Variants in ABCC1 observed in about 807,000 individuals in gnomAD.
ABCC1 encodes the protein multidrug resistance-associated protein 1.
A neutral mutation model predicts 172.9 loss-of-function variants in ABCC1; 83 were observed. That is an observed-to-expected ratio of 0.48 (90% CI 0.40 to 0.58). The LOEUF (loss-of-function observed/expected upper bound fraction) is 0.58, where lower values mean the gene tolerates loss of function less well. Ranked by LOEUF, ABCC1 falls within the 20% of genes least tolerant of loss-of-function variation. The pLI, the probability that ABCC1 is intolerant of heterozygous loss-of-function variation, is 0.00. For synonymous variants in ABCC1, 937 were observed against 825.2 expected (o/e 1.14, Z -2.32); for missense variants, 1,817 against 2,002.7 (o/e 0.91, Z 1.77).
intron 19 of ABCC1, among the ~76,000 whole-genome samples, chr16:16,100,504 A>G (rs547396674): frequency 6.6e-6 from 1 of 152,316 alleles, no homozygotes; most frequent in East Asian, 1.9e-4. Flanking sequence ...GACAGGCTGC[A>G]TGGGAAGTCC....
intron 15 of ABCC1, among the ~76,000 whole-genome samples, chr16:16,077,142 C>G (rs773219615): frequency 3.9e-5 from 6 of 152,178 alleles, no homozygotes; most frequent in Non-Finnish European, 7.3e-5. Flanking sequence ...TGACCAGAGG[C>G]CTTGATCAAC....
intron 1 of ABCC1, among the ~76,000 whole-genome samples, chr16:15,982,345 G>T (rs990618557): frequency 1.5e-4 from 23 of 152,164 alleles, no homozygotes; most frequent in African/African-American, 5.1e-4. Flanking sequence ...CCACAGTTCT[G>T]CAGGGCTGGG....
rs138811942 is a variant in ABCC1 at position 16,105,000 on chromosome 16, G to C, written c.2736-1738G>C. The stretch of plus-strand genomic sequence containing the variant: ...CCCTGTGCAGCTCCGGTTCCCTCCC[G>C]TTCCTCTCCCTCCACACCTCCCCGC... On this transcript the variant is annotated intron_variant, in intron 20 of 30. Transcript: ENST00000399410. Among the ~76,000 whole-genome samples the C allele has an allele frequency of 8.7e-3, 1,327 of 152,022 alleles. 17 individuals carry two copies. The highest frequency in any genetic ancestry group is 0.029 in the African/African-American group (1,221 of 41,470).
In ABCC1 at chr16:15,958,890, T is replaced by C. The variant is rs947119338; in HGVS notation, c.48+9091T>C. Among the ~76,000 whole-genome samples the C allele has an allele frequency of 3.3e-5, 5 of 152,312 alleles. 1 individual carries two copies. The Middle Eastern group carries it at 0.014, about 414-fold the overall frequency. ...GGCCACATCATTCTTTGTGGCCTGG[T>C]TGCTGTTCTGTGCAGCGTAGTCTTA... On this transcript the variant is annotated intron_variant, in intron 1 of 30. Coordinates refer to ENST00000399410, the MANE Select transcript of ABCC1 (RefSeq NM_004996.4).
At chr16:16,106,902 TG>T (rs2052145705) in intron 21 of ABCC1, 29 bp downstream of exon 21, 1 of 1,613,198 alleles carries the variant, frequency 6.2e-7, no homozygotes. Flanking sequence ...GTGATGACAG[TG>T]GCTGGAGTTT....
chr16:16,058,504 G>A (rs939311815), intron 12 of ABCC1, among the ~76,000 whole-genome samples: 1 of 152,214 alleles, frequency 6.6e-6, no homozygotes, highest in African/African-American at 2.4e-5. Context: ...AGCTCCAGCT[G>A]TTTCAGCATT....
In ABCC1 at chr16:16,041,805, A is replaced by C. The variant is rs148005394; in HGVS notation, c.810-2645A>C. Among the ~76,000 whole-genome samples the C allele has an allele frequency of 1.8e-3, 275 of 152,172 alleles. 8 individuals are homozygous for C. In the East Asian group the frequency reaches 0.043, roughly 24 times the overall value. ...CACCCATGAGTGACTCCTTCTCAAA[A>C]GTCAGGTGTGGCTGGGCATGGTGGC... On this transcript the variant is annotated intron_variant, in intron 7 of 30. Coordinates refer to ENST00000399410, the MANE Select transcript of ABCC1 (RefSeq NM_004996.4).
chr16:16,092,066 T>G (rs1200816070), intron 19 of ABCC1, among the ~76,000 whole-genome samples: 1 of 152,162 alleles, frequency 6.6e-6, no homozygotes, highest in Non-Finnish European at 1.5e-5. Flanking sequence ...GATGAAACCC[T>G]GTCTCTACTA....
At chr16:16,029,383 C>T (rs1348647762) in intron 5 of ABCC1, among the ~76,000 whole-genome samples, 4 of 151,966 alleles carry the variant, frequency 2.6e-5, no homozygotes, top group Non-Finnish European at 1.5e-5. Context: ...CCACCATGTC[C>T]GGCCAATTTT....
chr16:15,990,129 A>G (rs1490131605), intron 1 of ABCC1, among the ~76,000 whole-genome samples: 1 of 152,010 alleles, frequency 6.6e-6, no homozygotes, highest in Non-Finnish European at 1.5e-5. Context: ...ATCTCAGCTC[A>G]CTGCAGTCTC....
intron 5 of ABCC1, among the ~76,000 whole-genome samples, chr16:16,029,227 CTTTTTA>C: frequency 6.6e-6 from 1 of 151,996 alleles, no homozygotes; most frequent in Middle Eastern, 3.4e-3. Flanking sequence ...TTTTTCTTTT[CTTTTTA>C]TTTATTTTTG....
At chr16:16,080,111 C>T (rs1455782159) in intron 16 of ABCC1, among the ~76,000 whole-genome samples, 1 of 152,228 alleles carries the variant, frequency 6.6e-6, no homozygotes, top group East Asian at 1.9e-4. Context: ...CCGCATTTGG[C>T]CACTTAAGAA....
In ABCC1 at chr16:16,141,590, C is replaced by T. The variant is rs2046128875; in HGVS notation, c.*309C>T. 3 of 356,208 alleles carry T rather than the reference C, an allele frequency of 8.4e-6. No homozygotes were observed. Among genetic ancestry groups the T allele is most frequent in the Admixed American group, 4.4e-5 (1 of 22,572 alleles). 22.1% of individuals were successfully genotyped at this position (356,208 alleles called of 1,614,324 possible). A position where few individuals can be genotyped will look rare whatever the true frequency, so the allele number is the denominator to read the frequency against. On this transcript the variant is annotated 3_prime_UTR_variant, in exon 31 of 31. Transcript: ENST00000399410. ...GCAAGTGGTTTCCTGGTGCTTCCCACGGAGGAGTTTTGGCAGCCAGACTTC... is the reference window on the plus strand; with the variant it reads ...GCAAGTGGTTTCCTGGTGCTTCCCATGGAGGAGTTTTGGCAGCCAGACTTC...
intron 1 of ABCC1, among the ~76,000 whole-genome samples, chr16:15,961,771 C>CTT (rs4148334): frequency 3.9e-4 from 51 of 129,196 alleles, no homozygotes; most frequent in South Asian, 7.6e-4. Context: ...ATCAAATCAA[C>CTT]TTTTTTTTTT....
intron 12 of ABCC1, among the ~76,000 whole-genome samples, chr16:16,059,846 AT>A (rs1176304784): frequency 6.6e-6 from 1 of 151,058 alleles, no homozygotes; most frequent in Non-Finnish European, 1.5e-5. Context: ...ACAAAAAAAA[AT>A]TAGCCAGGTG....
intron 1 of ABCC1, among the ~76,000 whole-genome samples, chr16:15,964,862 C>T (rs2046210651): frequency 6.6e-6 from 1 of 152,056 alleles, no homozygotes; most frequent in Non-Finnish European, 1.5e-5. Flanking sequence ...GCTATGTATC[C>T]TGCAACATAT....
At chr16:16,020,536 G>A (rs1754967360) in intron 5 of ABCC1, among the ~76,000 whole-genome samples, 1 of 152,198 alleles carries the variant, frequency 6.6e-6, no homozygotes, top group African/African-American at 2.4e-5. Flanking sequence ...AGTGTCTACA[G>A]GTGTCTGGAG....
intron 5 of ABCC1, among the ~76,000 whole-genome samples, chr16:16,026,464 C>CTTTTTTTTTTTTTTTTTT (rs1491397616): frequency 7.4e-4 from 76 of 102,286 alleles, no homozygotes; most frequent in African/African-American, 2.5e-3. Flanking sequence ...AAGGCTATTT[C>CTTTTTTTTTTTTTTTTTT]CTTTTTTTTT....
At chr16:16,065,189 C>G (rs1382615704) in intron 12 of ABCC1, among the ~76,000 whole-genome samples, 1 of 152,170 alleles carries the variant, frequency 6.6e-6, no homozygotes, top group Non-Finnish European at 1.5e-5. Context: ...TACAAATCAG[C>G]TGGGCCTTGG....
Sources: allele counts gnomAD v4.1 joint callset (sites outside exome capture counted in the v4.1 genomes callset), GRCh38; gene constraint gnomAD v4.1.1; transcripts MANE v1.5; gene names NCBI Gene and HGNC (gene_info 2026-07-23, HGNC 2026-07-21).